Variants in FBN1 observed in about 807,000 individuals in gnomAD.
FBN1 encodes fibrillin 1.
In FBN1, 29 loss-of-function variants were observed where a neutral mutation model predicts 365.1. That is an observed-to-expected ratio of 0.08 (90% CI 0.06 to 0.11). FBN1 has a LOEUF of 0.11. Ranked by LOEUF, FBN1 falls within the 10% of genes least tolerant of loss-of-function variation. The probability of loss-of-function intolerance (pLI) is 1.00; values close to 1 mark genes in which losing one functional copy is unlikely to be tolerated. For synonymous variants in FBN1, 1,210 were observed against 1,270.5 expected, an observed-to-expected ratio of 0.95 and a Z score of 1.01; for missense variants, 2,476 against 3,703.2, an observed-to-expected ratio of 0.67 and a Z score of 8.60.
chr15:48,492,332 T>C, intron 24 of FBN1, 129 bp downstream of exon 24: 1 of 862,356 alleles, frequency 1.2e-6, no homozygotes, highest in Non-Finnish European at 1.9e-6. Flanking sequence ...CCATGGACCC[T>C]ATCGGACATG....
rs567892710 is a variant in FBN1, at chr15:48,483,802, T to C, written c.3838+16A>G. 6.8e-6 allele frequency: 11 copies of C among 1,613,378 alleles called. No homozygotes were observed. The highest frequency in any genetic ancestry group is 2.7e-5 in the African/African-American group (2 of 75,058). On this transcript the variant is annotated intron_variant, in intron 31 of 65. Coordinates refer to ENST00000316623, the MANE Select transcript of FBN1 (RefSeq NM_000138.5). ...ACTAACAAGACAAGATGAAAAATTC[T>C]GTCTTCTTTGCTTACCTACACAAGT...
At chr15:48,534,037 G>GC (rs769234262) in intron 8 of FBN1, 43 bp downstream of exon 8, 2 of 1,611,410 alleles carry the variant, frequency 1.2e-6, no homozygotes, top group Non-Finnish European at 1.7e-6. Flanking sequence ...AGTTTTGCCT[G>GC]CCCCCACTAC....
chr15:48,593,176 A>G (rs1426763917), intron 6 of FBN1, among the ~76,000 whole-genome samples: 1 of 152,172 alleles, frequency 6.6e-6, no homozygotes, highest in African/African-American at 2.4e-5. Flanking sequence ...GATGATTAAG[A>G]TTGACTTATT....
At chr15:48,551,549 C>G (rs888874258) in intron 6 of FBN1, among the ~76,000 whole-genome samples, 1 of 149,504 alleles carries the variant, frequency 6.7e-6, no homozygotes, top group Non-Finnish European at 1.5e-5. Flanking sequence ...TTCAGGGGTA[C>G]AAGCGCAGGT....
At chr15:48,526,482 A>C (rs548251960) in intron 8 of FBN1, among the ~76,000 whole-genome samples, 1 of 152,320 alleles carries the variant, frequency 6.6e-6, no homozygotes, top group South Asian at 2.1e-4. Context: ...GGCAAAATGA[A>C]ATCACCCCCC....
chr15:48,527,091 G>A (rs1320318997), intron 8 of FBN1, among the ~76,000 whole-genome samples: 2 of 152,192 alleles, frequency 1.3e-5, no homozygotes, highest in African/African-American at 4.8e-5. Flanking sequence ...GGAGGCTGTT[G>A]ATGGGCTGCA....
At chr15:48,478,929 G>A (rs1033863154) in intron 32 of FBN1, among the ~76,000 whole-genome samples, 2 of 152,160 alleles carry the variant, frequency 1.3e-5, no homozygotes, top group African/African-American at 4.8e-5. Context: ...GGAGCCCAGA[G>A]GTCTTTTTCT....
At chr15:48,476,774 CTTT>C (rs34020705) in intron 32 of FBN1, 82 of 64,590 alleles carry the variant, frequency 1.3e-3, no homozygotes, top group Middle Eastern at 0.012. Context: ...CCACGCCTGG[CTTT>C]TTTTTTTTTT....
At chr15:48,511,661 G>C (rs1597578796) in intron 13 of FBN1, among the ~76,000 whole-genome samples, 1 of 152,104 alleles carries the variant, frequency 6.6e-6, no homozygotes, top group South Asian at 2.1e-4. Context: ...CAGCCTTTTG[G>C]ACCATTCTGT....
At chr15:48,424,656 T>C (rs2015637) in intron 60 of FBN1, among the ~76,000 whole-genome samples, 19,719 of 152,282 alleles carry the variant, frequency 0.13, 1,525 homozygotes, top group African/African-American at 0.22. Context: ...CTCTACCACT[T>C]GGTCTATCTT....
intron 49 of FBN1, among the ~76,000 whole-genome samples, chr15:48,442,623 C>T (rs1272348714): frequency 6.6e-6 from 1 of 152,016 alleles, no homozygotes; most frequent in African/African-American, 2.4e-5. Flanking sequence ...CTTGAGTAAC[C>T]ATATGTCCTA....
intron 45 of FBN1, 29 bp downstream of exon 45, chr15:48,452,533 G>GC: frequency 6.2e-7 from 1 of 1,613,620 alleles, no homozygotes; most frequent in South Asian, 1.1e-5. Flanking sequence ...TCTTGGGTAG[G>GC]CATGTCCAGC....
intron 54 of FBN1, among the ~76,000 whole-genome samples, chr15:48,433,977 C>T (rs2043043351): frequency 6.6e-6 from 1 of 152,158 alleles, no homozygotes; most frequent in Non-Finnish European, 1.5e-5. Context: ...TTGGATGAGG[C>T]CTCACAATGT....
At chr15:48,638,237 C>T (rs772936524) in intron 2 of FBN1, among the ~76,000 whole-genome samples, 14 of 152,106 alleles carry the variant, frequency 9.2e-5, no homozygotes, top group Non-Finnish European at 1.8e-4. Flanking sequence ...TCTGATCAAT[C>T]CCATTCCCAC....
intron 6 of FBN1, among the ~76,000 whole-genome samples, chr15:48,592,771 C>A (rs1466961679): frequency 6.6e-6 from 1 of 152,162 alleles, no homozygotes; most frequent in East Asian, 1.9e-4. Context: ...AGGGCTAATA[C>A]CTAAGCTAAA....
chr15:48,497,238 G>T, intron 19 of FBN1, 28 bp downstream of exon 19: 1 of 1,613,892 alleles, frequency 6.2e-7, no homozygotes, highest in Non-Finnish European at 8.5e-7. Context: ...TGCAGGCAAT[G>T]TTTCAGAAAA....
intron 6 of FBN1, among the ~76,000 whole-genome samples, chr15:48,543,818 T>G (rs2044076200): frequency 6.6e-6 from 1 of 152,208 alleles, no homozygotes; most frequent in African/African-American, 2.4e-5. Flanking sequence ...ATTGTTGTTT[T>G]TCTAGGTGTG....
intron 2 of FBN1, chr15:48,644,191 C>A: frequency 5.3e-6 from 1 of 188,620 alleles, no homozygotes; most frequent in East Asian, 1.3e-4. Context: ...GGAATCCCTT[C>A]CTTTCCTTGC....
intron 51 of FBN1, 79 bp from the exon 52 acceptor site, chr15:48,437,466 A>G: frequency 8.1e-7 from 1 of 1,238,996 alleles, no homozygotes; most frequent in Non-Finnish European, 1.2e-6. Context: ...TGAGGTAGAA[A>G]ATTGCTACAT....
Sources: gnomAD v4.1 joint callset for allele counts (sites outside exome capture counted in the v4.1 genomes callset) on GRCh38, gnomAD v4.1.1 for gene constraint, MANE v1.5 for transcripts, NCBI Gene and HGNC (gene_info 2026-07-23, HGNC 2026-07-21) for gene names.